Variants in NECTIN1 observed in about 807,000 individuals in gnomAD.
NECTIN1 encodes nectin-1.
A neutral mutation model predicts 48.0 loss-of-function variants in NECTIN1; 23 were observed. That is an observed-to-expected ratio of 0.48 (90% CI 0.34 to 0.68). The LOEUF (loss-of-function observed/expected upper bound fraction) is 0.68. NECTIN1 is among the 30% of genes least tolerant of loss of function. The pLI, the probability that NECTIN1 is intolerant of heterozygous loss-of-function variation, is 0.01. For synonymous variants in NECTIN1, 270 were observed against 288.9 expected (o/e 0.93, Z 0.66); for missense variants, 591 against 709.9 (o/e 0.83, Z 1.90).
At position 119,662,069 on chromosome 11, in the gene NECTIN1, G is replaced by T. The variant is rs1343832905; in HGVS notation, c.*2678C>A. 9 of 985,326 alleles carry T rather than the reference G, an allele frequency of 9.1e-6. No homozygotes were observed. The highest frequency in any genetic ancestry group is 1.1e-5 in the Non-Finnish European group (9 of 829,926). The allele number at this position is 985,326 out of a possible 1,614,324, so 61.0% of individuals were successfully genotyped here. A position where few individuals can be genotyped will look rare whatever the true frequency, so the allele number is the denominator to read the frequency against. On this transcript the variant is annotated 3_prime_UTR_variant, in exon 6 of 6. Transcript: ENST00000264025. The surrounding 1 kb of genome is among the most constrained non-coding windows in gnomAD (Gnocchi z 5.3). ...CAGGGGCATGGGTGTGGGGTGGGGG[G>T]CAAGGACAGGGAGGGCAACAAGAGG...
intron 1 of NECTIN1, chr11:119,687,238 A>C (rs1166569727): frequency 6.6e-6 from 1 of 151,770 alleles, no homozygotes; most frequent in Admixed American, 6.6e-5. Flanking sequence ...CCTCTGCCCC[A>C]GTTCCCAGCA....
At position 119,662,158 on chromosome 11, in the gene NECTIN1, C is replaced by T. The variant is rs939137068; in HGVS notation, c.*2589G>A. On this transcript the variant is annotated 3_prime_UTR_variant, in exon 6 of 6. Transcript: ENST00000264025. The surrounding 1 kb of genome is among the most constrained non-coding windows in gnomAD (Gnocchi z 5.3). ...CAAGTTTATTTCATTTCCAGCAAAGCAGAAGCTCAGCTCATGCTGTGGGCA... is the reference window on the plus strand; with the variant it reads ...CAAGTTTATTTCATTTCCAGCAAAGTAGAAGCTCAGCTCATGCTGTGGGCA... 1.9e-5 allele frequency: 19 copies of T among 985,346 alleles called. No individual in the cohort carries two copies. In the East Asian group the frequency reaches 1.7e-3, roughly 88 times the overall value. 61.0% of individuals were successfully genotyped at this position (985,346 alleles called of 1,614,324 possible).
Position 119,665,202 on chromosome 11 carries a change from C to T in NECTIN1, c.1099G>A (p.Val367Met), listed in dbSNP as rs763820994. The T allele has an allele frequency of 1.2e-6, 2 of 1,607,746 alleles. No homozygotes were observed. The highest frequency in any genetic ancestry group is 2.2e-5 in the South Asian group (2 of 91,078). The change falls in exon 6 of 6, where the codon GTG becomes ATG. Residue 367 changes from valine (V) to methionine (M), a missense_variant. Physicochemically the swap from Val to Met is conservative, Grantham distance 21 (BLOSUM62 1). Transcript: ENST00000264025. The surrounding 1 kb of genome is among the most constrained non-coding windows in gnomAD (Gnocchi z 5.1). ...IGGVAGSILL[V>M]LIVVGGIVVA... Reference sequence around the variant, plus strand: ...ACGATCCCGCCGACCACAATCAACACCAGCAGGATGCTCCCCGCCACGCCC... The same window carrying T: ...ACGATCCCGCCGACCACAATCAACATCAGCAGGATGCTCCCCGCCACGCCC...
rs556793377 is a variant in NECTIN1 at position 119,676,023 on chromosome 11, T to A, written c.852-713A>T. Among the ~76,000 whole-genome samples, 49 of 113,670 alleles carry A rather than the reference T, an allele frequency of 4.3e-4. No homozygotes were observed. In the South Asian group the frequency reaches 8.5e-3, roughly 20 times the overall value. 74.6% of individuals were successfully genotyped at this position (113,670 alleles called of 152,430 possible). A position where few individuals can be genotyped will look rare whatever the true frequency, so the allele number is the denominator to read the frequency against. ...TCCGTCTCAAAGAAAAAAAAAAAAA[T>A]AATAATACAGATGCCTTGGTTCTAA... is the stretch of plus-strand genomic sequence containing the variant. On this transcript the variant is annotated intron_variant, in intron 4 of 5. Transcript: ENST00000264025.
At chr11:119,692,036 G>A (rs934793243) in intron 1 of NECTIN1, among the ~76,000 whole-genome samples, 8 of 152,196 alleles carry the variant, frequency 5.3e-5, no homozygotes, top group African/African-American at 1.9e-4. Flanking sequence ...CTGGCCGCAT[G>A]TCCCCAGCCC....
chr11:119,664,157 AAG>A lies in NECTIN1; in HGVS notation c.*588_*589del. The A allele has an allele frequency of 2.0e-6, 2 of 986,276 alleles. No homozygotes were observed. The highest frequency in any genetic ancestry group is 2.4e-6 in the Non-Finnish European group (2 of 830,330). 61.1% of individuals were successfully genotyped at this position (986,276 alleles called of 1,614,324 possible). The stretch of plus-strand genomic sequence containing the variant: ...CTGCCCAAGGCCCCGCTTAACAAAC[AAG>A]ACTCCCTGGGAACTGGGGAGAAGCC... On this transcript the variant is annotated 3_prime_UTR_variant, in exon 6 of 6. Coordinates refer to ENST00000264025, the MANE Select transcript of NECTIN1 (RefSeq NM_002855.5).
In NECTIN1 at chr11:119,662,900, ACTGGGCAGC is replaced by A. The variant is rs1344477949; in HGVS notation, c.*1838_*1846del. 2 of 985,950 alleles carry A rather than the reference ACTGGGCAGC, an allele frequency of 2.0e-6. No individual in the cohort carries two copies. The highest frequency in any genetic ancestry group is 2.3e-4 in the East Asian group (2 of 8,808). 61.1% of individuals were successfully genotyped at this position (985,950 alleles called of 1,614,324 possible). On this transcript the variant is annotated 3_prime_UTR_variant, in exon 6 of 6. Transcript: ENST00000264025. This position sits in a 1 kb window ranked among gnomAD's most constrained non-coding sequence, Gnocchi z 5.3. ...GGCTTCAGACTTCTGCTACGTGGCTACTGGGCAGCCTGGGCTGGGGCCAGGGCAGTGAGG... is the reference window on the plus strand; with the variant it reads ...GGCTTCAGACTTCTGCTACGTGGCTACTGGGCTGGGGCCAGGGCAGTGAGG...
At chr11:119,710,256 C>T (rs557043237) in intron 1 of NECTIN1, among the ~76,000 whole-genome samples, 6 of 152,358 alleles carry the variant, frequency 3.9e-5, no homozygotes, top group South Asian at 2.1e-4. Context: ...CTCAGGAACA[C>T]GCGGGAGCAG....
rs11217424 is a variant in NECTIN1 at position 119,716,851 on chromosome 11, C to T, written c.79+11624G>A. ...CTAATCAGAAGCAGGCGCGTGCACA[C>T]GCGCGCGCACGCACGCACGCACACA... On this transcript the variant is annotated intron_variant, in intron 1 of 5. Transcript: ENST00000264025. Among the ~76,000 whole-genome samples, 614 of 152,330 alleles carry T rather than the reference C, an allele frequency of 4.0e-3. 4 individuals are homozygous for T. Among genetic ancestry groups the T allele is most frequent in the African/African-American group, 0.014 (578 of 41,592 alleles).
At chr11:119,707,985 A>C (rs926941770) in intron 1 of NECTIN1, among the ~76,000 whole-genome samples, 1 of 152,238 alleles carries the variant, frequency 6.6e-6, no homozygotes, top group Non-Finnish European at 1.5e-5. Flanking sequence ...ATTTTCTTTT[A>C]CCTTAAAAGC....
chr11:119,638,800 G>A, exon 7 of NECTIN1: 1 of 1,613,796 alleles, frequency 6.2e-7, no homozygotes, highest in Non-Finnish European at 8.5e-7. Flanking sequence ...AGAGGGGCTG[G>A]TCGGTCCTGG....
intron 5 of NECTIN1, among the ~76,000 whole-genome samples, chr11:119,667,861 T>C (rs1380376085): frequency 6.6e-6 from 1 of 152,192 alleles, no homozygotes; most frequent in African/African-American, 2.4e-5. Flanking sequence ...TCTGGGACTG[T>C]ATCTCCACAG....
intron 5 of NECTIN1, chr11:119,674,521 G>T (rs1183692710): frequency 1.2e-6 from 2 of 1,613,720 alleles, no homozygotes; most frequent in Admixed American, 1.7e-5. Context: ...TGGTGGGGGG[G>T]GCCCTGTCCA....
intron 5 of NECTIN1, among the ~76,000 whole-genome samples, chr11:119,649,850 T>G (rs1289124903): frequency 2.6e-5 from 4 of 152,018 alleles, no homozygotes; most frequent in East Asian, 1.9e-4. Flanking sequence ...ACCAGCAGAG[T>G]TGGGCTACTC....
In NECTIN1 at chr11:119,663,872, G is replaced by A; in HGVS notation, c.*875C>T. On this transcript the variant is annotated 3_prime_UTR_variant, in exon 6 of 6. Coordinates refer to ENST00000264025, the MANE Select transcript of NECTIN1 (RefSeq NM_002855.5). ...AGGGGGAATGAGGTGGAAATAGACG[G>A]GTGGGCCTTGGGCAGTGTCTGGATG... 5.1e-6 allele frequency: 5 copies of A among 985,986 alleles called. No homozygotes were observed. The highest frequency in any genetic ancestry group is 6.0e-6 in the Non-Finnish European group (5 of 830,376). 61.1% of individuals were successfully genotyped at this position (985,986 alleles called of 1,614,324 possible).
intron 5 of NECTIN1, among the ~76,000 whole-genome samples, chr11:119,643,606 C>G (rs1049258753): frequency 2.0e-5 from 3 of 152,218 alleles, no homozygotes; most frequent in African/African-American, 7.2e-5. Flanking sequence ...AATAGGGGGG[C>G]CCTGGTTGCT....
At chr11:119,649,836 C>A (rs1343055327) in intron 5 of NECTIN1, among the ~76,000 whole-genome samples, 1 of 152,180 alleles carries the variant, frequency 6.6e-6, no homozygotes, top group African/African-American at 2.4e-5. Context: ...TCAAGGTCAG[C>A]CCCACCAGCA....
Position 119,662,607 on chromosome 11 carries a change from T to G in NECTIN1, c.*2140A>C. On this transcript the variant is annotated 3_prime_UTR_variant, in exon 6 of 6. Coordinates refer to ENST00000264025, the MANE Select transcript of NECTIN1 (RefSeq NM_002855.5). The surrounding 1 kb of genome is among the most constrained non-coding windows in gnomAD (Gnocchi z 5.3). ...AGGAGACAGGGACAGGAAATGCCTC[T>G]ATCAGGCAGGCCCCTGGGATTGCCT... 1 of 985,512 alleles carries G rather than the reference T, an allele frequency of 1.0e-6. No homozygotes were observed. The highest frequency in any genetic ancestry group is 1.2e-6 in the Non-Finnish European group (1 of 830,002). The allele number at this position is 985,512 out of a possible 1,614,324, so 61.0% of individuals were successfully genotyped here. A position where few individuals can be genotyped will look rare whatever the true frequency, so the allele number is the denominator to read the frequency against.
chr11:119,643,470 C>T (rs115716230), intron 5 of NECTIN1, among the ~76,000 whole-genome samples: 281 of 152,336 alleles, frequency 1.8e-3, no homozygotes, highest in African/African-American at 5.2e-3. Context: ...CTGGGATCTG[C>T]GCCTGTGTGC....
Sources: gnomAD v4.1 joint callset for allele counts (sites outside exome capture counted in the v4.1 genomes callset) on GRCh38, gnomAD v4.1.1 for gene constraint, Gnocchi (gnomAD v3.1) non-coding constraint, MANE v1.5 for transcripts, NCBI Gene and HGNC (gene_info 2026-07-23, HGNC 2026-07-21) for gene names.